Variants in DNAH3 observed in about 807,000 individuals in gnomAD.
DNAH3 encodes dynein axonemal heavy chain 3.
Under a neutral mutation model 432.5 loss-of-function variants are expected in DNAH3, and 332 were observed. That is an observed-to-expected ratio of 0.77 (90% confidence interval 0.70 to 0.84). The LOEUF is 0.84. DNAH3 is among the 40% of genes least tolerant of loss of function. DNAH3 has a pLI of 0.00. For synonymous variants in DNAH3, 1,956 were observed against 1,900.2 expected, an observed-to-expected ratio of 1.03 and a Z score of -0.76; for missense variants, 4,861 against 5,114.0, an observed-to-expected ratio of 0.95 and a Z score of 1.51.
intron 1 of DNAH3, among the ~76,000 whole-genome samples, chr16:21,151,321 GT>G (rs10578754): frequency 0.5 from 63,980 of 128,058 alleles, 14,149 homozygotes; most frequent in East Asian, 0.79. Context: ...GTTTTTCCCC[GT>G]TTTTTTTTTT....
chr16:20,982,889 A>G lies in DNAH3; in HGVS notation c.7691T>C (p.Leu2564Ser). Residue 2564 changes from leucine (L) to serine (S), a missense_variant, in exon 49 of 62, where the codon TTA (leucine) becomes TCA (serine). By Grantham distance (145) the Leu-to-Ser change is moderately radical. Coordinates refer to ENST00000261383, the Ensembl canonical transcript of DNAH3. The stretch of plus-strand genomic sequence containing the variant: ...GGCATCCCCTATTGGACTCATGGCT[A>G]ATGAAAAGGAGATTTTGTTAATTAC... 6.2e-7 allele frequency: 1 copy of G among 1,613,712 alleles called. No individual in the cohort carries two copies. Among genetic ancestry groups the G allele is most frequent in the Non-Finnish European group, 8.5e-7 (1 of 1,179,766 alleles).
intron 53 of DNAH3, 58 bp from the exon 54 acceptor site, chr16:20,959,462 A>T: frequency 6.5e-7 from 1 of 1,527,316 alleles, no homozygotes; most frequent in Non-Finnish European, 9.0e-7. Context: ...ACAGTAACAG[A>T]ACAGCTATAT....
chr16:21,122,012 T>A (rs770110892), exon 10 of DNAH3: 2 of 1,613,920 alleles, frequency 1.2e-6, no homozygotes, highest in South Asian at 1.1e-5. Context: ...CCAGCAGCCA[T>A]CAAAAGATGG....
intron 16 of DNAH3, 60 bp downstream of exon 16, chr16:21,104,411 T>C (rs761137369): frequency 2.6e-5 from 39 of 1,477,434 alleles, no homozygotes; most frequent in Non-Finnish European, 3.3e-5. Flanking sequence ...ACCAGGAACC[T>C]GCAGCATGGG....
intron 20 of DNAH3, among the ~76,000 whole-genome samples, chr16:21,080,645 T>A (rs1329857124): frequency 1.3e-5 from 2 of 152,130 alleles, no homozygotes; most frequent in African/African-American, 4.8e-5. Flanking sequence ...CAGAATTTGA[T>A]TATGTGGGTT....
intron 49 of DNAH3, among the ~76,000 whole-genome samples, chr16:20,981,964 T>C (rs2085921357): frequency 6.8e-6 from 1 of 147,596 alleles, no homozygotes; most frequent in Admixed American, 6.8e-5. Flanking sequence ...ACATATATTA[T>C]ATATAATAAA....
intron 56 of DNAH3, among the ~76,000 whole-genome samples, chr16:20,950,327 T>C (rs1455681705): frequency 1.3e-5 from 2 of 152,202 alleles, no homozygotes; most frequent in East Asian, 1.9e-4. Context: ...ACTCTTAACA[T>C]GTTGGACTGG....
exon 50 of DNAH3, chr16:20,979,386 T>C (rs139563221): frequency 1.9e-6 from 3 of 1,614,162 alleles, no homozygotes; most frequent in Middle Eastern, 1.7e-4. Flanking sequence ...TTCCTCATCA[T>C]AGCCACCTCT....
chr16:21,037,174 T>C (rs2089213991), intron 34 of DNAH3, among the ~76,000 whole-genome samples: 1 of 152,122 alleles, frequency 6.6e-6, no homozygotes, highest in Non-Finnish European at 1.5e-5. Flanking sequence ...CTGTGCATGG[T>C]GGCTCATGCC....
chr16:21,097,374 C>T (rs1347979330), exon 18 of DNAH3: 2 of 1,613,956 alleles, frequency 1.2e-6, no homozygotes, highest in Admixed American at 3.3e-5. Flanking sequence ...ATTCCTCTGA[C>T]TTGATGCTGA....
chr16:21,059,530 T>C (rs958590093), intron 26 of DNAH3, among the ~76,000 whole-genome samples: 3 of 152,132 alleles, frequency 2.0e-5, no homozygotes, highest in African/African-American at 4.8e-5. Context: ...ATCCCAGCAC[T>C]TTGGGAGACC....
chr16:21,025,519 T>C (rs912732259), intron 38 of DNAH3, among the ~76,000 whole-genome samples: 1 of 148,440 alleles, frequency 6.7e-6, no homozygotes, highest in Non-Finnish European at 1.5e-5. Context: ...AACATATTTA[T>C]AGATGTAATT....
At chr16:20,989,371 A>G (rs959125622) in intron 44 of DNAH3, among the ~76,000 whole-genome samples, 3 of 151,788 alleles carry the variant, frequency 2.0e-5, no homozygotes, top group South Asian at 4.2e-4. Flanking sequence ...TGAGCTAAAC[A>G]CAGGGTGCTG....
chr16:21,042,396 C>CGTGT (rs377160556), intron 31 of DNAH3, among the ~76,000 whole-genome samples, 193 bp from the exon 32 acceptor site: 2 of 151,646 alleles, frequency 1.3e-5, no homozygotes, highest in South Asian at 2.1e-4. Flanking sequence ...TGTGCATGTG[C>CGTGT]GTGTGTGTGT....
chr16:20,980,279 A>ATATATTATAATATACATCATATAT (rs1470849007), intron 49 of DNAH3, among the ~76,000 whole-genome samples: 1 of 137,896 alleles, frequency 7.3e-6, no homozygotes, highest in African/African-American at 2.7e-5. Flanking sequence ...AATATACATC[A>ATATATTATAATATACATCATATAT]TATATTATAA....
At chr16:21,145,066 C>T (rs1391741515) in intron 3 of DNAH3, 115 bp downstream of exon 4, 22 of 905,220 alleles carry the variant, frequency 2.4e-5, no homozygotes, top group Admixed American at 1.7e-4. Context: ...GAGCCACGAT[C>T]GTGCCATGGC....
intron 25 of DNAH3, among the ~76,000 whole-genome samples, chr16:21,061,650 A>G (rs2090366251): frequency 6.6e-6 from 1 of 152,252 alleles, no homozygotes; most frequent in African/African-American, 2.4e-5. Context: ...TGATTCATGC[A>G]TTATTCCAGT....
intron 7 of DNAH3, among the ~76,000 whole-genome samples, chr16:21,130,383 C>T (rs1438015204): frequency 6.6e-6 from 1 of 151,214 alleles, no homozygotes; most frequent in African/African-American, 2.4e-5. Flanking sequence ...TGGCTCACTG[C>T]AGCCTCAGCT....
chr16:21,098,504 A>T (rs995740580), intron 17 of DNAH3, 112 bp downstream of exon 17: 2 of 1,125,542 alleles, frequency 1.8e-6, no homozygotes, highest in Admixed American at 2.6e-5. Flanking sequence ...CCAATGAGTT[A>T]ACCAATACTA....
Sources: allele counts gnomAD v4.1 joint callset (sites outside exome capture counted in the v4.1 genomes callset), GRCh38; gene constraint gnomAD v4.1.1; transcripts MANE v1.5; gene names NCBI Gene and HGNC (gene_info 2026-07-23, HGNC 2026-07-21).